The following NCOA2 variants were observed in gnomAD, a reference collection of about 807,000 sequenced individuals.
NCOA2 encodes the protein nuclear receptor coactivator 2.
NCOA2 carries 21 observed loss-of-function variants against 145.1 expected under a neutral mutation model. The ratio of observed to expected loss-of-function variants is 0.14; its 90% confidence interval spans 0.10 to 0.21. The LOEUF is 0.21. Ranked by LOEUF, NCOA2 falls within the 10% of genes least tolerant of loss-of-function variation. NCOA2 has a pLI of 1.00. For synonymous variants in NCOA2, 619 were observed against 637.5 expected, an observed-to-expected ratio of 0.97 and a Z score of 0.44; for missense variants, 1,472 against 1,837.6, an observed-to-expected ratio of 0.80 and a Z score of 3.64.
chr8:70,147,224 C>T (rs774938966), intron 12 of NCOA2, among the ~76,000 whole-genome samples: 9 of 151,890 alleles, frequency 5.9e-5, no homozygotes, highest in Non-Finnish European at 1.3e-4. Flanking sequence ...CCTCCGCCTC[C>T]CGGGTTCAAC....
chr8:70,220,563 T>A (rs1244936040), intron 2 of NCOA2, among the ~76,000 whole-genome samples: 2 of 152,164 alleles, frequency 1.3e-5, no homozygotes, highest in African/African-American at 2.4e-5. Flanking sequence ...GATTAGTAAG[T>A]TTTATCTCTA....
intron 15 of NCOA2, among the ~76,000 whole-genome samples, chr8:70,136,224 A>T: frequency 6.6e-6 from 1 of 152,024 alleles, no homozygotes; most frequent in East Asian, 1.9e-4. Context: ...AAATACAAAA[A>T]TTAGCTGGGC....
intron 1 of NCOA2, among the ~76,000 whole-genome samples, chr8:70,401,108 C>A (rs1488414888): frequency 6.6e-6 from 1 of 152,156 alleles, no homozygotes; most frequent in Non-Finnish European, 1.5e-5. Context: ...CACATACACA[C>A]ACACACACGC....
At chr8:70,361,763 T>C (rs528422433) in intron 1 of NCOA2, among the ~76,000 whole-genome samples, 37 of 152,248 alleles carry the variant, frequency 2.4e-4, no homozygotes, top group East Asian at 5.8e-4. Context: ...CAAAATGGAA[T>C]GCCAATACTT....
At chr8:70,272,205 T>G (rs1825107293) in intron 2 of NCOA2, among the ~76,000 whole-genome samples, 1 of 152,208 alleles carries the variant, frequency 6.6e-6, no homozygotes, top group African/African-American at 2.4e-5. Context: ...TTCTTCTTCT[T>G]TTTTTAAACT....
chr8:70,275,757 T>C (rs1251243462), intron 2 of NCOA2, among the ~76,000 whole-genome samples: 1 of 152,230 alleles, frequency 6.6e-6, no homozygotes, highest in African/African-American at 2.4e-5. Flanking sequence ...TTGGCAGTTC[T>C]TCTAGAGAAC....
At chr8:70,366,991 T>G (rs534996847) in intron 1 of NCOA2, among the ~76,000 whole-genome samples, 3 of 152,294 alleles carry the variant, frequency 2.0e-5, no homozygotes, top group Non-Finnish European at 4.4e-5. Context: ...ATGAGGATAC[T>G]CTCATCATCC....
the NCOA2 span, among the ~76,000 whole-genome samples, chr8:70,414,283 T>C: frequency 6.6e-6 from 1 of 152,206 alleles, no homozygotes. Flanking sequence ...TTTCTGCCTC[T>C]GCCTGCCTCT....
In NCOA2 at chr8:70,368,001, G is replaced by A. The variant is rs572728915; in HGVS notation, c.-77+35699C>T. ...GAATGAATTCAACATAGACTCAGAA[G>A]TATAAGATGCAGGCCTCTGCTCTCA... On this transcript the variant is annotated intron_variant, in intron 1 of 22. Transcript: ENST00000452400. Among the ~76,000 whole-genome samples the A allele has an allele frequency of 3.3e-5, 5 of 152,318 alleles. No homozygotes were observed. The South Asian group carries it at 1.0e-3, about 32-fold the overall frequency.
intron 1 of NCOA2, among the ~76,000 whole-genome samples, chr8:70,352,629 T>C (rs893358699): frequency 2.0e-5 from 3 of 152,220 alleles, no homozygotes; most frequent in African/African-American, 4.8e-5. Flanking sequence ...TAAGTGCTCA[T>C]AGTAAACACC....
rs199706072 is a variant in NCOA2 at position 70,162,696 on chromosome 8, T to C, written c.976+15A>G. 2.1e-4 allele frequency: 331 copies of C among 1,596,100 alleles called. 4 individuals carry two copies. The highest frequency in any genetic ancestry group is 1.6e-3 in the South Asian group (147 of 89,112). On this transcript the variant is annotated intron_variant, in intron 9 of 22. Transcript: ENST00000452400. ...GGAAGCAATAATTTAAGAAAAATCA[T>C]TTAGAGATGCTTACCTTCATGATGA...
rs994707200 is a variant in NCOA2, at chr8:70,156,877, C to T, written c.1488G>A (p.Val496=). Residue 496 remains valine (V), a synonymous_variant, in exon 11 of 23, where the codon GTG becomes GTA. Transcript: ENST00000452400. The part of the protein sequence containing the change: ...LSPRHRMSPG[V]AGSPRIPPSQ... Reference sequence around the variant, plus strand: ...TGGGTGGGATTCGAGGGCTGCCAGCCACTCCAGGGCTCATGCGATGCCTTG... The same window carrying T: ...TGGGTGGGATTCGAGGGCTGCCAGCTACTCCAGGGCTCATGCGATGCCTTG... 2 of 1,613,874 alleles carry T rather than the reference C, an allele frequency of 1.2e-6. No homozygotes were observed. Among genetic ancestry groups the T allele is most frequent in the Non-Finnish European group, 1.7e-6 (2 of 1,179,904 alleles).
chr8:70,373,299 T>C (rs1401632643), intron 1 of NCOA2, among the ~76,000 whole-genome samples: 4 of 152,220 alleles, frequency 2.6e-5, no homozygotes, highest in Non-Finnish European at 4.4e-5. Context: ...CTCCATCTTA[T>C]TGTGGTTTTA....
At chr8:70,143,904 A>G (rs1221882775) in intron 13 of NCOA2, among the ~76,000 whole-genome samples, 1 of 152,244 alleles carries the variant, frequency 6.6e-6, no homozygotes, top group Non-Finnish European at 1.5e-5. Context: ...TGCTATATCC[A>G]TAATAAAAAT....
At chr8:70,159,255 T>TTTTTTTC (rs1209017347) in intron 10 of NCOA2, among the ~76,000 whole-genome samples, 6 of 137,582 alleles carry the variant, frequency 4.4e-5, no homozygotes, top group African/African-American at 1.6e-4. Context: ...TTTTTTTTTT[T>TTTTTTTC]CCCCCAAATA....
intron 1 of NCOA2, among the ~76,000 whole-genome samples, chr8:70,343,776 A>G (rs1449017149): frequency 1.3e-5 from 2 of 151,316 alleles, no homozygotes; most frequent in Non-Finnish European, 2.9e-5. Flanking sequence ...GTGCCACTGC[A>G]CTCTAGCCTG....
chr8:70,429,161 G>A, the NCOA2 span, among the ~76,000 whole-genome samples: 1 of 152,320 alleles, frequency 6.6e-6, no homozygotes, highest in East Asian at 1.9e-4. Context: ...ATTTTGAGAT[G>A]TTTTGCAGCA....
chr8:70,131,190 T>C (rs1455482255), intron 16 of NCOA2, among the ~76,000 whole-genome samples: 1 of 152,122 alleles, frequency 6.6e-6, no homozygotes, highest in Non-Finnish European at 1.5e-5. Flanking sequence ...CATTTTATTT[T>C]TTTTTTGGTA....
chr8:70,385,674 A>C (rs1202077847), intron 1 of NCOA2, among the ~76,000 whole-genome samples: 1 of 152,112 alleles, frequency 6.6e-6, no homozygotes, highest in Non-Finnish European at 1.5e-5. Flanking sequence ...TGACCCTTCC[A>C]CCTTGGCCTT....
Sources: gnomAD v4.1 joint callset for allele counts (sites outside exome capture counted in the v4.1 genomes callset) on GRCh38, gnomAD v4.1.1 for gene constraint, MANE v1.5 for transcripts, NCBI Gene and HGNC (gene_info 2026-07-23, HGNC 2026-07-21) for gene names.